Variants in RAP1A observed in about 807,000 individuals in gnomAD.
RAP1A encodes the protein RAP1A, member of RAS oncogene family.
A neutral mutation model predicts 26.4 loss-of-function variants in RAP1A; 6 were observed. The observed-to-expected ratio is 0.23, with a 90% CI of 0.12 to 0.45. The LOEUF (loss-of-function observed/expected upper bound fraction) is 0.45. Ranked by LOEUF, RAP1A falls within the 20% of genes least tolerant of loss-of-function variation. The probability of loss-of-function intolerance (pLI) is 0.99; values close to 1 mark genes in which losing one functional copy is unlikely to be tolerated. For missense variants in RAP1A, 121 were observed against 217.2 expected (o/e 0.56, Z 2.78); for synonymous variants, 73 against 79.4 (o/e 0.92, Z 0.43).
rs6573 is a variant in RAP1A, at chr1:111,712,767, C to A, written c.*366C>A. 19,274 of 152,412 alleles carry A rather than the reference C, an allele frequency of 0.13. 1,552 individuals are homozygous for A. The highest frequency in any genetic ancestry group is 0.18 in the South Asian group (851 of 4,824). The allele number at this position is 152,412 out of a possible 1,614,324, so 9.4% of individuals were successfully genotyped here. A position where few individuals can be genotyped will look rare whatever the true frequency, so the allele number is the denominator to read the frequency against. ...ATATTGATCTTTTTATCATGATCCT[C>A]CCTATCAAGCACTAAAAAGTTGAAC... On this transcript the variant is annotated 3_prime_UTR_variant, in exon 8 of 8. Transcript: ENST00000369709.
At chr1:111,693,941 T>G (rs1471539941) in intron 2 of RAP1A, among the ~76,000 whole-genome samples, 1 of 151,184 alleles carries the variant, frequency 6.6e-6, no homozygotes, top group African/African-American at 2.4e-5. Context: ...TGCCCTGGAG[T>G]GCAGTGGCGT....
At chr1:111,572,561 G>T (rs528922585) in intron 1 of RAP1A, among the ~76,000 whole-genome samples, 1 of 152,288 alleles carries the variant, frequency 6.6e-6, no homozygotes, top group Admixed American at 6.5e-5. Context: ...AGACAGGCCT[G>T]GGTGAAGCCG....
intron 1 of RAP1A, among the ~76,000 whole-genome samples, chr1:111,609,798 G>A (rs1302815212): frequency 6.6e-6 from 1 of 152,042 alleles, no homozygotes; most frequent in African/African-American, 2.4e-5. Flanking sequence ...ACCATACCCG[G>A]CTAATTTTTG....
intron 1 of RAP1A, among the ~76,000 whole-genome samples, chr1:111,566,049 G>A (rs755525339): frequency 9.2e-5 from 14 of 151,972 alleles, no homozygotes; most frequent in Non-Finnish European, 1.8e-4. Context: ...GCAGGTAGGC[G>A]GAGATGAGGA....
At chr1:111,590,066 G>A (rs986776068) in intron 1 of RAP1A, among the ~76,000 whole-genome samples, 4 of 152,110 alleles carry the variant, frequency 2.6e-5, no homozygotes, top group Admixed American at 6.5e-5. Flanking sequence ...CACTGCACCC[G>A]GCCTACTATA....
intron 1 of RAP1A, among the ~76,000 whole-genome samples, chr1:111,603,766 G>A (rs1168850595): frequency 6.6e-6 from 1 of 151,992 alleles, no homozygotes; most frequent in African/African-American, 2.4e-5. Flanking sequence ...CTACTAAGGG[G>A]GTACTATCTA....
chr1:111,682,256 G>A (rs1661322111), intron 1 of RAP1A, among the ~76,000 whole-genome samples: 1 of 152,108 alleles, frequency 6.6e-6, no homozygotes, highest in South Asian at 2.1e-4. Flanking sequence ...AAAATATGAA[G>A]ACCAATGAAG....
chr1:111,623,396 A>G (rs1659283434), intron 1 of RAP1A, among the ~76,000 whole-genome samples: 1 of 151,294 alleles, frequency 6.6e-6, no homozygotes, highest in African/African-American at 2.4e-5. Flanking sequence ...AGAATATTAT[A>G]GCTGTGACCG....
At chr1:111,646,778 A>G (rs555526720) in intron 1 of RAP1A, among the ~76,000 whole-genome samples, 160 of 152,278 alleles carry the variant, frequency 1.1e-3, no homozygotes, top group African/African-American at 3.7e-3. Flanking sequence ...TGACCTTGTG[A>G]TCCGCCCGCC....
intron 1 of RAP1A, among the ~76,000 whole-genome samples, chr1:111,585,303 T>A (rs759222212): frequency 6.6e-6 from 1 of 152,238 alleles, no homozygotes; most frequent in Admixed American, 6.5e-5. Context: ...TCGTGTGTCT[T>A]TAAAATGTCA....
At chr1:111,569,307 G>T (rs114220904) in intron 1 of RAP1A, among the ~76,000 whole-genome samples, 1 of 151,634 alleles carries the variant, frequency 6.6e-6, no homozygotes, top group African/African-American at 2.4e-5. Flanking sequence ...AAGCTGAGGC[G>T]GGGGAATCTT....
At chr1:111,586,634 A>C (rs1658370138) in intron 1 of RAP1A, among the ~76,000 whole-genome samples, 1 of 152,230 alleles carries the variant, frequency 6.6e-6, no homozygotes, top group Non-Finnish European at 1.5e-5. Flanking sequence ...TATGTGGTTT[A>C]GAACTGATGA....
intron 1 of RAP1A, among the ~76,000 whole-genome samples, chr1:111,585,145 ATCC>A (rs1382490719): frequency 1.3e-5 from 2 of 152,208 alleles, no homozygotes; most frequent in African/African-American, 4.8e-5. Flanking sequence ...TGCCGATTTA[ATCC>A]TCCTCTTTCA....
At chr1:111,550,526 A>G (rs897666194) in intron 1 of RAP1A, among the ~76,000 whole-genome samples, 10 of 151,842 alleles carry the variant, frequency 6.6e-5, no homozygotes, top group Non-Finnish European at 1.0e-4. Flanking sequence ...ACATTTTTCT[A>G]TGTTATGTTT....
At chr1:111,701,728 C>A (rs2101283014) in intron 4 of RAP1A, among the ~76,000 whole-genome samples, 1 of 152,296 alleles carries the variant, frequency 6.6e-6, no homozygotes, top group East Asian at 1.9e-4. Flanking sequence ...TATGTTTATT[C>A]TTTTGATTTA....
At chr1:111,584,715 A>G (rs1451058624) in intron 1 of RAP1A, among the ~76,000 whole-genome samples, 1 of 152,330 alleles carries the variant, frequency 6.6e-6, no homozygotes, top group Admixed American at 6.5e-5. Context: ...AGAGAAATTC[A>G]TATATAAATA....
chr1:111,662,729 T>TA (rs34267199), intron 1 of RAP1A, among the ~76,000 whole-genome samples: 47,098 of 152,100 alleles, frequency 0.31, 7,672 homozygotes, highest in East Asian at 0.47. Flanking sequence ...TAAGCTTCTG[T>TA]ACCTAAAATA....
chr1:111,582,916 C>A (rs762270041), intron 1 of RAP1A, among the ~76,000 whole-genome samples: 1 of 152,198 alleles, frequency 6.6e-6, no homozygotes, highest in Non-Finnish European at 1.5e-5. Flanking sequence ...CCGGCCTGAA[C>A]CTGGCTATCT....
At chr1:111,648,770 C>A in intron 1 of RAP1A, 1 of 619,090 alleles carries the variant, frequency 1.6e-6, no homozygotes, top group Non-Finnish European at 3.0e-6. Context: ...TCTGCTGAGA[C>A]CAGTACTTGT....
Sources: gnomAD v4.1 joint callset for allele counts (sites outside exome capture counted in the v4.1 genomes callset) on GRCh38, gnomAD v4.1.1 for gene constraint, MANE v1.5 for transcripts, NCBI Gene and HGNC (gene_info 2026-07-23, HGNC 2026-07-21) for gene names.